Variants in PAPOLA observed in about 807,000 individuals in gnomAD.
PAPOLA encodes poly(A) polymerase alpha, also known as polynucleotide adenylyltransferase alpha.
Under a neutral mutation model 100.6 loss-of-function variants are expected in PAPOLA, and 15 were observed. The observed-to-expected ratio is 0.15, with a 90% CI of 0.10 to 0.23. PAPOLA has a LOEUF of 0.23. PAPOLA is among the 10% of genes least tolerant of loss of function. The probability of loss-of-function intolerance (pLI) is 1.00; values close to 1 mark genes in which losing one functional copy is unlikely to be tolerated. For synonymous variants in PAPOLA, 293 were observed against 300.0 expected, an observed-to-expected ratio of 0.98 and a Z score of 0.24; for missense variants, 533 against 884.2, an observed-to-expected ratio of 0.60 and a Z score of 5.04.
At chr14:96,532,442 T>C in intron 8 of PAPOLA, 22 bp downstream of exon 8, 1 of 1,605,586 alleles carries the variant, frequency 6.2e-7, no homozygotes, top group Non-Finnish European at 8.5e-7. Flanking sequence ...ATTTGTTGGC[T>C]AGCTTATTAA....
chr14:96,542,138 A>T, intron 12 of PAPOLA, 105 bp from the exon 13 acceptor site: 1 of 611,000 alleles, frequency 1.6e-6, no homozygotes, highest in Non-Finnish European at 2.9e-6. Context: ...CCCTTGCTAA[A>T]TTGATGTGGA....
At chr14:96,515,915 G>C (rs1482994057) in intron 1 of PAPOLA, among the ~76,000 whole-genome samples, 1 of 152,202 alleles carries the variant, frequency 6.6e-6, no homozygotes, top group Admixed American at 6.5e-5. Flanking sequence ...GAGGAACTTT[G>C]CATTCTTGGG....
intron 1 of PAPOLA, among the ~76,000 whole-genome samples, chr14:96,503,504 G>A (rs1310917615): frequency 1.3e-5 from 2 of 151,864 alleles, no homozygotes; most frequent in South Asian, 2.1e-4. Flanking sequence ...CTCATTGCCA[G>A]TAGATTACGG....
At chr14:96,563,183 G>T (rs1391008034) in intron 21 of PAPOLA, among the ~76,000 whole-genome samples, 1 of 152,082 alleles carries the variant, frequency 6.6e-6, no homozygotes, top group African/African-American at 2.4e-5. Flanking sequence ...TCATATGTAG[G>T]TTTTATTTGT....
intron 4 of PAPOLA, chr14:96,527,227 G>A: frequency 3.8e-6 from 2 of 521,634 alleles, no homozygotes; most frequent in Middle Eastern, 5.0e-4. Context: ...ATAAATAGAG[G>A]ATGCTGCAGG....
chr14:96,527,775 A>G (rs1001684870), intron 5 of PAPOLA, 178 bp from the exon 6 acceptor site: 2 of 637,358 alleles, frequency 3.1e-6, no homozygotes, highest in African/African-American at 3.7e-5. Context: ...GGCCACAATC[A>G]TACATCTGAT....
chr14:96,561,534 G>A (rs1186002331), intron 20 of PAPOLA, among the ~76,000 whole-genome samples: 2 of 152,128 alleles, frequency 1.3e-5, no homozygotes, highest in Non-Finnish European at 2.9e-5. Flanking sequence ...TTAAGGCTAT[G>A]ATTATTTTTA....
rs1483106450 is a variant in PAPOLA, at chr14:96,520,099, A to G, written c.53A>G (p.Lys18Arg). Residue 18 changes from lysine to arginine, a missense_variant, in exon 2 of 22, where the codon AAG becomes AGG. Lys to Arg is a conservative substitution (Grantham distance 26). Coordinates refer to ENST00000216277, the MANE Select transcript of PAPOLA (RefSeq NM_032632.5). ...QGSQQTQPPQ[K>R]HYGITSPISL... ...TCACAACAAACACAACCGCCACAGA[A>G]GCACTATGGCATTACTTCTCCTATC... 6.2e-7 allele frequency: 1 copy of G among 1,613,742 alleles called. No homozygotes were observed. The highest frequency in any genetic ancestry group is 1.3e-5 in the African/African-American group (1 of 74,926).
In PAPOLA at chr14:96,563,817, ATTGATACG is replaced by A. The variant is rs202211028; in HGVS notation, c.2142+926_2142+933del. On this transcript the variant is annotated intron_variant, in intron 21 of 21. Coordinates refer to ENST00000216277, the MANE Select transcript of PAPOLA (RefSeq NM_032632.5). ...ACTAACATCAGGAAGTATGCTTAAT[ATTGATACG>A]TGGACAAACTTGTTTATCAGTCTTA... Among the ~76,000 whole-genome samples, 1,005 of 152,282 alleles carry A rather than the reference ATTGATACG, an allele frequency of 6.6e-3. 7 individuals are homozygous for A. The highest frequency in any genetic ancestry group is 0.041 in the Middle Eastern group (12 of 294).
intron 15 of PAPOLA, among the ~76,000 whole-genome samples, chr14:96,545,349 A>G (rs774787018): frequency 6.6e-6 from 1 of 152,098 alleles, no homozygotes; most frequent in African/African-American, 2.4e-5. Context: ...AAGTGATTGC[A>G]CTTTATGTAG....
chr14:96,524,840 T>G (rs1898328134), intron 3 of PAPOLA, among the ~76,000 whole-genome samples: 1 of 152,202 alleles, frequency 6.6e-6, no homozygotes, highest in Non-Finnish European at 1.5e-5. Flanking sequence ...TTCAAGTCAC[T>G]TTTGATATGA....
At chr14:96,517,688 T>C (rs1162027376) in intron 1 of PAPOLA, among the ~76,000 whole-genome samples, 2 of 151,276 alleles carry the variant, frequency 1.3e-5, no homozygotes, top group Non-Finnish European at 2.9e-5. Context: ...TATTTTGTCT[T>C]CAGCAAATGC....
intron 1 of PAPOLA, among the ~76,000 whole-genome samples, chr14:96,515,258 G>A (rs772942721): frequency 3.3e-5 from 5 of 152,200 alleles, no homozygotes; most frequent in Non-Finnish European, 7.3e-5. Flanking sequence ...GGAGAGAAGA[G>A]TTCTGAAAAT....
Position 96,556,359 on chromosome 14 carries a change from G to A in PAPOLA, c.1950G>A (p.Lys650=), listed in dbSNP as rs1275708708. ...TACCTACTCCTATAGTAGGAGTCAA[G>A]AGGACATCCTCACCTCATAAAGAAG... ...TKIPTPIVGV[K]RTSSPHKEES... The change falls in exon 19 of 22, where the codon AAG becomes AAA. Residue 650 remains lysine, a synonymous_variant. Coordinates refer to ENST00000216277, the MANE Select transcript of PAPOLA (RefSeq NM_032632.5). 1.2e-6 allele frequency: 2 copies of A among 1,613,968 alleles called. No homozygotes were observed. Among genetic ancestry groups the A allele is most frequent in the South Asian group, 2.2e-5 (2 of 91,068 alleles).
chr14:96,548,248 T>G (rs72706852), intron 16 of PAPOLA, among the ~76,000 whole-genome samples: 17,038 of 152,194 alleles, frequency 0.11, 1,036 homozygotes, highest in South Asian at 0.17. Flanking sequence ...AAAAGTAAAC[T>G]AAATTAAATT....
intron 16 of PAPOLA, among the ~76,000 whole-genome samples, chr14:96,549,330 G>A (rs539206032): frequency 1.3e-5 from 2 of 150,956 alleles, no homozygotes; most frequent in African/African-American, 4.9e-5. Flanking sequence ...CTCACTGCAA[G>A]CTCCGCCTCC....
chr14:96,559,577 C>CTATATA lies in PAPOLA; in HGVS notation c.2005-1071_2005-1070insATATAT, dbSNP rs1266017605. ...TCTCTCTCTCTCTCTCTCTCTCTCT[C>CTATATA]TCTCTATATATATATATATACACAC... is the stretch of plus-strand genomic sequence containing the variant. On this transcript the variant is annotated intron_variant, in intron 19 of 21. Coordinates refer to ENST00000216277, the MANE Select transcript of PAPOLA (RefSeq NM_032632.5). Among the ~76,000 whole-genome samples, 684 of 110,616 alleles carry CTATATA rather than the reference C, an allele frequency of 6.2e-3. 4 individuals carry two copies. Among genetic ancestry groups the CTATATA allele is most frequent in the South Asian group, 0.013 (38 of 3,018 alleles). 72.6% of individuals were successfully genotyped at this position (110,616 alleles called of 152,430 possible).
At chr14:96,538,508 T>TA (rs1429985301) in intron 12 of PAPOLA, among the ~76,000 whole-genome samples, 1 of 152,036 alleles carries the variant, frequency 6.6e-6, no homozygotes, top group East Asian at 1.9e-4. Flanking sequence ...GGTTAAAAGA[T>TA]ATATTACTAA....
At chr14:96,512,517 CTTCT>C (rs1428315369) in intron 1 of PAPOLA, among the ~76,000 whole-genome samples, 2 of 152,164 alleles carry the variant, frequency 1.3e-5, no homozygotes, top group African/African-American at 4.8e-5. Flanking sequence ...TTAGTCAAGC[CTTCT>C]TTCTTAGTTT....
Sources: allele counts gnomAD v4.1 joint callset (sites outside exome capture counted in the v4.1 genomes callset), GRCh38; gene constraint gnomAD v4.1.1; transcripts MANE v1.5; gene names NCBI Gene and HGNC (gene_info 2026-07-23, HGNC 2026-07-21).